Variants in WDR41 observed in about 807,000 individuals in gnomAD.
The protein encoded by WDR41 is WD repeat-containing protein 41.
In WDR41, 63 loss-of-function variants were observed where a neutral mutation model predicts 69.3. The ratio of observed to expected loss-of-function variants is 0.91; its 90% CI spans 0.74 to 1.12. WDR41 has a LOEUF of 1.12. WDR41 is among the 50% of genes most tolerant of loss of function. WDR41 has a pLI of 0.00. For synonymous variants in WDR41, 185 were observed against 192.1 expected (o/e 0.96, Z 0.31); for missense variants, 543 against 534.5 (o/e 1.02, Z -0.16).
chr5:77,537,921 A>G (rs1743016826), intron 1 of WDR41, among the ~76,000 whole-genome samples: 1 of 152,144 alleles, frequency 6.6e-6, no homozygotes, highest in African/African-American at 2.4e-5. Flanking sequence ...TGGGACTAGG[A>G]CTAAAAATGT....
chr5:77,579,705 G>A (rs996341917), intron 1 of WDR41, among the ~76,000 whole-genome samples: 3 of 152,200 alleles, frequency 2.0e-5, no homozygotes, highest in Non-Finnish European at 2.9e-5. Flanking sequence ...AGTGATCCCA[G>A]ATGGTAATTC....
intron 12 of WDR41, among the ~76,000 whole-genome samples, chr5:77,435,153 T>C (rs1798890995): frequency 2.0e-5 from 3 of 152,122 alleles, no homozygotes; most frequent in Admixed American, 2.0e-4. Flanking sequence ...AAACACAAAG[T>C]TAAAAACTGA....
intron 1 of WDR41, among the ~76,000 whole-genome samples, chr5:77,498,817 AAAAAAAAAAAAAG>A (rs1165947368): frequency 7.8e-6 from 1 of 128,192 alleles, no homozygotes; most frequent in Non-Finnish European, 1.6e-5. Flanking sequence ...AGACCCCATC[AAAAAAAAAAAAAG>A]AAAAAAGAAA....
At chr5:77,556,216 G>A (rs1317125859) in intron 1 of WDR41, among the ~76,000 whole-genome samples, 1 of 144,144 alleles carries the variant, frequency 6.9e-6, no homozygotes. Context: ...CAATTCTCCT[G>A]CCTCAGCCTG....
intron 12 of WDR41, 24 bp downstream of exon 12, chr5:77,436,237 C>T (rs377541088): frequency 5.0e-6 from 8 of 1,598,402 alleles, no homozygotes; most frequent in African/African-American, 1.3e-5. Flanking sequence ...GTTGCTTGGA[C>T]ATTCTGTGGC....
At chr5:77,546,247 C>T in intron 1 of WDR41, 1 of 381,930 alleles carries the variant, frequency 2.6e-6, no homozygotes, top group Non-Finnish European at 4.7e-6. Flanking sequence ...ACCCAGGCTC[C>T]AGCTGTGGCT....
Position 77,582,406 on chromosome 5 carries a change from G to A in WDR41, c.42+38073C>T, listed in dbSNP as rs1743955515. On this transcript the variant is annotated intron_variant, in intron 1 of 5. Coordinates refer to the WDR41 transcript ENST00000509971. ...GGGTGTAGAAGAGAAGAAGAAGGAG[G>A]TTCCTGCTGTGCCAGAAACCCTTAA... 6.2e-6 allele frequency: 10 copies of A among 1,610,460 alleles called. No individual in the cohort carries two copies. The South Asian group carries it at 8.8e-5, about 14-fold the overall frequency.
rs1799029967 is a variant in WDR41 at position 77,438,367 on chromosome 5, G to T, written c.883-6C>A. 6.2e-7 allele frequency: 1 copy of T among 1,613,514 alleles called. No individual in the cohort carries two copies. On this transcript the variant is annotated splice_polypyrimidine_tract_variant and splice_region_variant and intron_variant, in intron 9 of 12. Transcript: ENST00000296679. The stretch of plus-strand genomic sequence containing the variant: ...CCAACTGCAGCAAATACATTCTAGG[G>T]GAAGAAGTTCAGAAATGGGCATAAA...
At chr5:77,579,518 A>G (rs1345496713) in intron 1 of WDR41, among the ~76,000 whole-genome samples, 1 of 151,952 alleles carries the variant, frequency 6.6e-6, no homozygotes, top group East Asian at 1.9e-4. Flanking sequence ...TAGTAGAACA[A>G]CATGTTCAAA....
chr5:77,601,576 C>T (rs1744324442), intron 1 of WDR41, among the ~76,000 whole-genome samples: 2 of 152,160 alleles, frequency 1.3e-5, no homozygotes, highest in Admixed American at 6.5e-5. Context: ...AGAAAACCTT[C>T]ACTACAATTT....
chr5:77,585,552 C>T (rs994356335), intron 1 of WDR41, among the ~76,000 whole-genome samples: 6 of 152,098 alleles, frequency 3.9e-5, no homozygotes, highest in Admixed American at 2.0e-4. Context: ...AATTCACAAT[C>T]GCAAAATCGT....
At chr5:77,505,453 C>T (rs1471378739) in intron 1 of WDR41, among the ~76,000 whole-genome samples, 3 of 152,026 alleles carry the variant, frequency 2.0e-5, no homozygotes, top group African/African-American at 4.8e-5. Flanking sequence ...CCATACTGCC[C>T]GAGGTAATTT....
At chr5:77,451,040 G>C (rs1799608913) in intron 7 of WDR41, among the ~76,000 whole-genome samples, 1 of 152,156 alleles carries the variant, frequency 6.6e-6, no homozygotes, top group South Asian at 2.1e-4. Context: ...GTGATCTTGA[G>C]ACTGGAATTT....
At chr5:77,564,266 A>G (rs1226131705) in intron 1 of WDR41, among the ~76,000 whole-genome samples, 1 of 152,172 alleles carries the variant, frequency 6.6e-6, no homozygotes, top group Non-Finnish European at 1.5e-5. Context: ...GTCAAATTGC[A>G]TTCTTGGCCA....
chr5:77,582,869 A>T, intron 1 of WDR41: 2 of 1,605,362 alleles, frequency 1.2e-6, no homozygotes, highest in Non-Finnish European at 1.7e-6. Context: ...ATCAATAAGA[A>T]GCGAATTGCT....
At chr5:77,452,454 GT>G (rs1174345034) in intron 6 of WDR41, 2 of 152,246 alleles carry the variant, frequency 1.3e-5, no homozygotes, top group East Asian at 3.8e-4. Flanking sequence ...CGGATGCCCT[GT>G]GTTTTAGTCC....
At chr5:77,592,546 G>A (rs556001530) in intron 1 of WDR41, among the ~76,000 whole-genome samples, 2 of 152,256 alleles carry the variant, frequency 1.3e-5, no homozygotes, top group African/African-American at 4.8e-5. Flanking sequence ...TGGAAAAGCT[G>A]TTATACTCAC....
At chr5:77,474,126 T>C (rs1342517631) in intron 2 of WDR41, among the ~76,000 whole-genome samples, 1 of 152,104 alleles carries the variant, frequency 6.6e-6, no homozygotes, top group African/African-American at 2.4e-5. Context: ...TGAGTTCATG[T>C]CCTTTGTAGG....
chr5:77,613,092 G>C (rs1189776376), intron 1 of WDR41, among the ~76,000 whole-genome samples: 3 of 151,204 alleles, frequency 2.0e-5, no homozygotes, highest in South Asian at 4.2e-4. Context: ...TACAAGGGAC[G>C]TGAAGGACCT....
Sources: allele counts gnomAD v4.1 joint callset (sites outside exome capture counted in the v4.1 genomes callset), GRCh38; gene constraint gnomAD v4.1.1; transcripts MANE v1.5; gene names NCBI Gene and HGNC (gene_info 2026-07-23, HGNC 2026-07-21).